POLR3A: variants seen among roughly 807,000 people sequenced by gnomAD.
The protein encoded by POLR3A is DNA-directed RNA polymerase III subunit RPC1.
POLR3A carries 112 observed loss-of-function variants against 152.8 expected under a neutral mutation model. The ratio of observed to expected loss-of-function variants is 0.73; its 90% CI spans 0.63 to 0.86. The LOEUF (loss-of-function observed/expected upper bound fraction) is 0.86. Among genes scored for constraint, POLR3A ranks in the 40% least tolerant of loss-of-function variants. The pLI is 0.00. For missense variants in POLR3A, 1,385 were observed against 1,743.1 expected, an observed-to-expected ratio of 0.79 and a Z score of 3.66; for synonymous variants, 615 against 652.1, an observed-to-expected ratio of 0.94 and a Z score of 0.87.
At chr10:78,019,432 C>G (rs1335162326) in intron 8 of POLR3A, 167 bp from the exon 9 acceptor site, 1 of 625,848 alleles carries the variant, frequency 1.6e-6, no homozygotes, top group Non-Finnish European at 2.9e-6. Context: ...GAACAACAGA[C>G]TGGCAAACAA....
intron 10 of POLR3A, among the ~76,000 whole-genome samples, chr10:78,015,147 T>G (rs566350982): frequency 6.6e-6 from 1 of 152,218 alleles, no homozygotes. Context: ...TGTGGTTATG[T>G]AAGTTTTTCT....
rs368412771 is a variant in POLR3A at position 78,022,035 on chromosome 10, C to G, written c.886-13G>C. On this transcript the variant is annotated splice_polypyrimidine_tract_variant and intron_variant, in intron 6 of 30. Transcript: ENST00000372371. Reference sequence around the variant, plus strand: ...CTGAGATCCGATGCTAAAACCAGCACAGCCCAAACAGAAACAAACCTGGTC... The same window carrying G: ...CTGAGATCCGATGCTAAAACCAGCAGAGCCCAAACAGAAACAAACCTGGTC... The G allele has an allele frequency of 1.2e-6, 2 of 1,614,194 alleles. No individual in the cohort carries two copies. The highest frequency in any genetic ancestry group is 1.7e-6 in the Non-Finnish European group (2 of 1,180,020).
Position 77,977,393 on chromosome 10 carries a change from G to T in POLR3A, c.*85C>A. The T allele has an allele frequency of 6.9e-7, 1 of 1,458,412 alleles. No individual in the cohort carries two copies. 90.3% of individuals were successfully genotyped at this position (1,458,412 alleles called of 1,614,324 possible). ...CATAGGTGGGGACCTCAGGACCCCC[G>T]TCCCAGGGAGCACAAAACTCTTTAT... On this transcript the variant is annotated 3_prime_UTR_variant, in exon 31 of 31. Transcript: ENST00000372371.
chr10:77,990,471 T>C (rs1387384826), intron 21 of POLR3A, among the ~76,000 whole-genome samples: 1 of 152,164 alleles, frequency 6.6e-6, no homozygotes, highest in Non-Finnish European at 1.5e-5. Context: ...AAAATCAGCA[T>C]TTTTCTTCTA....
At chr10:77,977,821 A>G (rs1047284732) in intron 30 of POLR3A, among the ~76,000 whole-genome samples, 195 bp from the exon 31 acceptor site, 5 of 152,142 alleles carry the variant, frequency 3.3e-5, no homozygotes, top group Non-Finnish European at 5.9e-5. Flanking sequence ...GGGATTCTGC[A>G]CTTTCAGGGA....
intron 11 of POLR3A, among the ~76,000 whole-genome samples, chr10:78,012,671 C>CAG (rs1847477898): frequency 6.6e-6 from 1 of 151,692 alleles, no homozygotes; most frequent in Admixed American, 6.6e-5. Context: ...CCATGTCCCA[C>CAG]TGTGCTATTG....
intron 26 of POLR3A, 49 bp from the exon 27 acceptor site, chr10:77,982,866 G>A (rs372330010): frequency 1.5e-5 from 24 of 1,578,978 alleles, no homozygotes; most frequent in Middle Eastern, 1.7e-4. Context: ...GTTGTTCTTC[G>A]TTTATTTCAT....
chr10:78,024,222 G>A (rs1417185436), intron 5 of POLR3A, among the ~76,000 whole-genome samples: 1 of 151,968 alleles, frequency 6.6e-6, no homozygotes, highest in Admixed American at 6.6e-5. Flanking sequence ...AAATTAGGTG[G>A]GCATGGTGGC....
At position 78,008,084 on chromosome 10, in the gene POLR3A, C is replaced by G. The variant is rs148708783; in HGVS notation, c.1910-218G>C. 3.9e-3 allele frequency among the ~76,000 whole-genome samples: 600 copies of G among 152,086 alleles called. 3 individuals are homozygous for G. Among genetic ancestry groups the G allele is most frequent in the African/African-American group, 0.012 (486 of 41,458 alleles). On this transcript the variant is annotated intron_variant, in intron 14 of 30. Transcript: ENST00000372371. Reference sequence around the variant, plus strand: ...ATAGAAACTCCAGTTAGTGTGTAGTCCTAACCCTGAAATATACCAGTTGAC... The same window carrying G: ...ATAGAAACTCCAGTTAGTGTGTAGTGCTAACCCTGAAATATACCAGTTGAC...
intron 30 of POLR3A, 86 bp from the exon 31 acceptor site, chr10:77,977,712 A>G: frequency 8.5e-7 from 1 of 1,182,932 alleles, no homozygotes; most frequent in Non-Finnish European, 1.3e-6. Flanking sequence ...AAGTGTCAGA[A>G]AATTAGGATG....
At chr10:78,012,646 C>A (rs1190720806) in intron 11 of POLR3A, among the ~76,000 whole-genome samples, 1 of 151,964 alleles carries the variant, frequency 6.6e-6, no homozygotes, top group African/African-American at 2.4e-5. Flanking sequence ...AGGAGAGAAT[C>A]CTACACAGCC....
chr10:77,993,110 A>G, intron 20 of POLR3A, 87 bp downstream of exon 20: 1 of 959,970 alleles, frequency 1.0e-6, no homozygotes. Context: ...GTATTTATTA[A>G]CTGCAATTGA....
intron 4 of POLR3A, 65 bp from the exon 5 acceptor site, chr10:78,024,768 A>T (rs1289184707): frequency 6.8e-7 from 1 of 1,473,228 alleles, no homozygotes; most frequent in Non-Finnish European, 9.5e-7. Context: ...CAGAGATTGT[A>T]GTATGGTTAA....
At chr10:77,984,493 G>A (rs770245422) in intron 24 of POLR3A, among the ~76,000 whole-genome samples, 195 bp from the exon 25 acceptor site, 8 of 152,100 alleles carry the variant, frequency 5.3e-5, no homozygotes, top group African/African-American at 7.2e-5. Flanking sequence ...ACAGGCGCTC[G>A]CCACCACGCC....
At chr10:78,007,340 T>C (rs1156834444) in intron 15 of POLR3A, among the ~76,000 whole-genome samples, 1 of 152,072 alleles carries the variant, frequency 6.6e-6, no homozygotes, top group Non-Finnish European at 1.5e-5. Context: ...AGTAGGCAAA[T>C]ATTGAGTAAT....
chr10:78,002,344 C>T (rs773255109), intron 16 of POLR3A, 36 bp from the exon 17 acceptor site: 36 of 1,268,616 alleles, frequency 2.8e-5, no homozygotes, highest in South Asian at 2.7e-4. Flanking sequence ...GTGGGTTGTC[C>T]TCATTGTCTC....
chr10:77,977,206 C>G lies in POLR3A; in HGVS notation c.*272G>C, dbSNP rs2241547. The G allele has an allele frequency of 0.24, 106,294 of 435,652 alleles. 14,722 individuals are homozygous for G. The highest frequency in any genetic ancestry group is 0.51 in the East Asian group (10,419 of 20,304). The allele number at this position is 435,652 out of a possible 1,614,324, so 27.0% of individuals were successfully genotyped here. A position where few individuals can be genotyped will look rare whatever the true frequency, so the allele number is the denominator to read the frequency against. On this transcript the variant is annotated 3_prime_UTR_variant, in exon 31 of 31. Transcript: ENST00000372371. Reference sequence around the variant, plus strand: ...TAAGTCCAGGGAAGCAGTGTGTGCACGAGCTGTGGGGCCGTCTATAGATTA... The same window carrying G: ...TAAGTCCAGGGAAGCAGTGTGTGCAGGAGCTGTGGGGCCGTCTATAGATTA...
At chr10:78,014,526 C>T (rs930739018) in intron 10 of POLR3A, among the ~76,000 whole-genome samples, 54 of 152,050 alleles carry the variant, frequency 3.6e-4, no homozygotes, top group African/African-American at 1.3e-3. Flanking sequence ...AAGCAATTCT[C>T]CTGCCTCAGC....
chr10:78,004,409 G>A (rs930245165), intron 16 of POLR3A, among the ~76,000 whole-genome samples: 3 of 152,116 alleles, frequency 2.0e-5, no homozygotes, highest in African/African-American at 2.4e-5. Flanking sequence ...GAGCAGCCTC[G>A]TGTGGCCGAA....
Sources: allele counts gnomAD v4.1 joint callset (sites outside exome capture counted in the v4.1 genomes callset), GRCh38; gene constraint gnomAD v4.1.1; transcripts MANE v1.5; gene names NCBI Gene and HGNC (gene_info 2026-07-23, HGNC 2026-07-21).